GALNTL6: variants seen among roughly 807,000 people sequenced by gnomAD.
The protein encoded by GALNTL6 is polypeptide N-acetylgalactosaminyltransferase like 6.
A neutral mutation model predicts 73.7 loss-of-function variants in GALNTL6; 46 were observed. The observed-to-expected ratio is 0.62, with a 90% CI of 0.49 to 0.80. The LOEUF (loss-of-function observed/expected upper bound fraction) is 0.80. GALNTL6 is among the 30% of genes least tolerant of loss of function. The probability of loss-of-function intolerance (pLI) is 0.00; values close to 1 mark genes in which losing one functional copy is unlikely to be tolerated. For synonymous variants in GALNTL6, 259 were observed against 263.7 expected (o/e 0.98, Z 0.17); for missense variants, 604 against 755.0 (o/e 0.80, Z 2.34).
chr4:171,997,393 T>C (rs572742337), intron 2 of GALNTL6, among the ~76,000 whole-genome samples: 2 of 152,206 alleles, frequency 1.3e-5, no homozygotes, highest in Non-Finnish European at 2.9e-5. Context: ...GGTTATGTCC[T>C]GATAAACCCA....
intron 12 of GALNTL6, among the ~76,000 whole-genome samples, chr4:173,024,223 T>C (rs1292255116): frequency 6.6e-6 from 1 of 152,218 alleles, no homozygotes; most frequent in Non-Finnish European, 1.5e-5. Context: ...CCTAAGGGAT[T>C]TGTGAAAGGA....
chr4:172,158,222 T>C (rs746373104), intron 2 of GALNTL6, among the ~76,000 whole-genome samples: 1 of 152,196 alleles, frequency 6.6e-6, no homozygotes, highest in Non-Finnish European at 1.5e-5. Flanking sequence ...AACTATCAAA[T>C]ATTTGATATC....
chr4:172,601,100 GAAAT>G (rs990385093), intron 5 of GALNTL6, among the ~76,000 whole-genome samples: 1 of 151,870 alleles, frequency 6.6e-6, no homozygotes, highest in Non-Finnish European at 1.5e-5. Flanking sequence ...AATGAGGAGA[GAAAT>G]AAAATGTATT....
At chr4:172,422,140 C>T (rs539247794) in intron 5 of GALNTL6, among the ~76,000 whole-genome samples, 3 of 152,202 alleles carry the variant, frequency 2.0e-5, no homozygotes, top group Admixed American at 6.6e-5. Context: ...ATGATTTATT[C>T]CTCCACTAGC....
intron 5 of GALNTL6, among the ~76,000 whole-genome samples, chr4:172,760,028 G>A (rs909833352): frequency 6.6e-6 from 1 of 150,822 alleles, no homozygotes; most frequent in Admixed American, 6.6e-5. Context: ...AGTAGAGACG[G>A]GGTTTCACCT....
intron 5 of GALNTL6, among the ~76,000 whole-genome samples, chr4:172,442,901 A>G (rs1226047171): frequency 2.6e-5 from 4 of 151,972 alleles, no homozygotes; most frequent in Non-Finnish European, 5.9e-5. Context: ...TAGAGATGAT[A>G]TCACAAGGAA....
At chr4:171,933,671 A>G (rs1449156092) in intron 2 of GALNTL6, among the ~76,000 whole-genome samples, 1 of 152,164 alleles carries the variant, frequency 6.6e-6, no homozygotes, top group Non-Finnish European at 1.5e-5. Flanking sequence ...ACAAACGATT[A>G]TGATTGGAGA....
At chr4:172,770,118 T>C (rs866418243) in intron 5 of GALNTL6, among the ~76,000 whole-genome samples, 1 of 151,772 alleles carries the variant, frequency 6.6e-6, no homozygotes, top group Non-Finnish European at 1.5e-5. Context: ...AAAAAAAAAT[T>C]AGCTGGGCGT....
intron 5 of GALNTL6, among the ~76,000 whole-genome samples, chr4:172,558,049 A>C (rs1579187024): frequency 1.3e-5 from 2 of 152,314 alleles, no homozygotes; most frequent in South Asian, 4.1e-4. Flanking sequence ...ATATAATGCA[A>C]TACTACTAAA....
At chr4:172,751,839 C>T (rs934822474) in intron 5 of GALNTL6, among the ~76,000 whole-genome samples, 43 of 152,168 alleles carry the variant, frequency 2.8e-4, no homozygotes, top group African/African-American at 9.4e-4. Flanking sequence ...ACTTTGCTAA[C>T]GACTGTCTCT....
intron 4 of GALNTL6, among the ~76,000 whole-genome samples, chr4:172,345,929 C>T (rs902337794): frequency 1.1e-4 from 17 of 152,186 alleles, no homozygotes; most frequent in African/African-American, 2.4e-4. Context: ...TCCCACCATA[C>T]GACTATTTAT....
intron 3 of GALNTL6, among the ~76,000 whole-genome samples, chr4:172,246,102 A>G (rs531391541): frequency 6.6e-6 from 1 of 152,308 alleles, no homozygotes; most frequent in African/African-American, 2.4e-5. Flanking sequence ...CTATAATAAG[A>G]TGAGAAAATA....
chr4:172,580,160 T>G (rs1412632303), intron 5 of GALNTL6, among the ~76,000 whole-genome samples: 2 of 152,092 alleles, frequency 1.3e-5, no homozygotes, highest in Non-Finnish European at 2.9e-5. Context: ...CAGTATAAAA[T>G]TACTCAACCT....
chr4:172,103,776 G>A (rs905982462), intron 2 of GALNTL6, among the ~76,000 whole-genome samples: 7 of 152,102 alleles, frequency 4.6e-5, no homozygotes, highest in African/African-American at 7.2e-5. Flanking sequence ...ACAAAGTTAC[G>A]GTGATCTGAC....
At chr4:172,618,488 G>T (rs1738829735) in intron 5 of GALNTL6, among the ~76,000 whole-genome samples, 1 of 152,026 alleles carries the variant, frequency 6.6e-6, no homozygotes, top group Non-Finnish European at 1.5e-5. Context: ...GCTTTCTTTG[G>T]TAATAAATTT....
intron 2 of GALNTL6, among the ~76,000 whole-genome samples, chr4:171,990,431 G>C (rs1322424738): frequency 6.6e-6 from 1 of 152,076 alleles, no homozygotes; most frequent in Non-Finnish European, 1.5e-5. Flanking sequence ...GGCAGAAACA[G>C]AATGTGAACC....
intron 7 of GALNTL6, among the ~76,000 whole-genome samples, chr4:172,868,726 C>G (rs1201588068): frequency 6.6e-6 from 1 of 152,198 alleles, no homozygotes; most frequent in Admixed American, 6.5e-5. Flanking sequence ...GGACCCAATT[C>G]CTGTATGAGA....
At chr4:172,853,093 A>G (rs1379149622) in intron 7 of GALNTL6, among the ~76,000 whole-genome samples, 2 of 152,218 alleles carry the variant, frequency 1.3e-5, no homozygotes, top group Admixed American at 6.5e-5. Flanking sequence ...GTCTGAGCAC[A>G]TCTTAATGGG....
At chr4:172,138,477 CTA>C (rs1414149880) in intron 2 of GALNTL6, among the ~76,000 whole-genome samples, 234 of 8,674 alleles carry the variant, frequency 0.027, 2 homozygotes, top group East Asian at 0.034. Flanking sequence ...CTTGGACTGC[CTA>C]TATATATATA....
Sources: gnomAD v4.1 joint callset for allele counts (sites outside exome capture counted in the v4.1 genomes callset) on GRCh38, gnomAD v4.1.1 for gene constraint, MANE v1.5 for transcripts, NCBI Gene and HGNC (gene_info 2026-07-23, HGNC 2026-07-21) for gene names.